Variants in TUNAR observed in about 807,000 individuals in gnomAD.
The protein encoded by TUNAR is protein TUNAR.
At chr14:95,906,175 G>A (rs1189155398) in intron 2 of TUNAR, among the ~76,000 whole-genome samples, 3 of 152,146 alleles carry the variant, frequency 2.0e-5, no homozygotes, top group Admixed American at 1.3e-4. Flanking sequence ...ATTGGAGAAT[G>A]GCATAGAGAA....
At chr14:95,913,608 A>C (rs1051595005) in intron 2 of TUNAR, among the ~76,000 whole-genome samples, 1 of 152,210 alleles carries the variant, frequency 6.6e-6, no homozygotes, top group Non-Finnish European at 1.5e-5. Context: ...TAGAGAAGTC[A>C]TAAAGAGGAA....
intron 2 of TUNAR, among the ~76,000 whole-genome samples, chr14:95,917,530 T>G (rs1192010789): frequency 6.6e-6 from 1 of 152,308 alleles, no homozygotes; most frequent in African/African-American, 2.4e-5. Context: ...AAAAACCCCA[T>G]AGACATTTTG....
At chr14:95,896,746 A>G (rs1204365743) in intron 2 of TUNAR, among the ~76,000 whole-genome samples, 1 of 152,234 alleles carries the variant, frequency 6.6e-6, no homozygotes, top group Non-Finnish European at 1.5e-5. Context: ...TTCCATTTGT[A>G]AAAAATAACA....
At chr14:95,908,225 G>A (rs573671384) in intron 2 of TUNAR, among the ~76,000 whole-genome samples, 4 of 152,330 alleles carry the variant, frequency 2.6e-5, no homozygotes, top group Non-Finnish European at 5.9e-5. Flanking sequence ...GTCAGATAGT[G>A]GGAAGAGGCA....
At chr14:95,902,455 G>A (rs893356599) in intron 2 of TUNAR, among the ~76,000 whole-genome samples, 1 of 152,204 alleles carries the variant, frequency 6.6e-6, no homozygotes, top group Admixed American at 6.5e-5. Flanking sequence ...AAATGCTCCT[G>A]AGTAAGTGAA....
intron 2 of TUNAR, among the ~76,000 whole-genome samples, chr14:95,916,165 C>T (rs191623199): frequency 1.4e-3 from 209 of 152,294 alleles, no homozygotes; most frequent in African/African-American, 4.5e-3. Context: ...AGCAAGCGCT[C>T]ATGTACCCAC....
At chr14:95,884,161 GT>G (rs1436948926) in intron 2 of TUNAR, among the ~76,000 whole-genome samples, 1 of 152,112 alleles carries the variant, frequency 6.6e-6, no homozygotes, top group Non-Finnish European at 1.5e-5. Context: ...TTCCCGTATG[GT>G]AGCCAGAGTG....
At chr14:95,920,504 C>G (rs191023602) in intron 2 of TUNAR, among the ~76,000 whole-genome samples, 1 of 152,266 alleles carries the variant, frequency 6.6e-6, no homozygotes, top group East Asian at 1.9e-4. Context: ...GTAGGCCTAT[C>G]TAGTAAACCG....
intron 2 of TUNAR, among the ~76,000 whole-genome samples, chr14:95,891,857 C>T (rs1166115547): frequency 1.3e-5 from 2 of 152,236 alleles, no homozygotes; most frequent in Non-Finnish European, 2.9e-5. Flanking sequence ...TCCCTGTCTC[C>T]TCCCGGTTGC....
chr14:95,918,607 C>T (rs577957481), intron 2 of TUNAR, among the ~76,000 whole-genome samples: 5 of 152,184 alleles, frequency 3.3e-5, no homozygotes, highest in Non-Finnish European at 5.9e-5. Context: ...TTCTGTGAGT[C>T]GGAGAAGGTC....
chr14:95,923,102 C>T (rs1486014594), exon 3 of TUNAR: 1 of 397,000 alleles, frequency 2.5e-6, no homozygotes, highest in Non-Finnish European at 4.4e-6. Context: ...CACCTTCAAA[C>T]TTTACAAAAG....
chr14:95,880,171 A>G (rs1465267574), intron 2 of TUNAR, among the ~76,000 whole-genome samples: 1 of 152,154 alleles, frequency 6.6e-6, no homozygotes, highest in Non-Finnish European at 1.5e-5. Flanking sequence ...TTGGTACCAG[A>G]TATTGCCCTC....
intron 2 of TUNAR, among the ~76,000 whole-genome samples, chr14:95,879,760 A>G (rs952603230): frequency 3.3e-5 from 5 of 151,772 alleles, no homozygotes; most frequent in African/African-American, 7.3e-5. Context: ...CCATACATAT[A>G]ATGGCCTCAT....
chr14:95,897,201 G>A (rs1051223408), intron 2 of TUNAR, among the ~76,000 whole-genome samples: 1 of 152,194 alleles, frequency 6.6e-6, no homozygotes, highest in Non-Finnish European at 1.5e-5. Context: ...CCCACTTTGT[G>A]TGATCCAGGA....
At chr14:95,917,271 TACTC>T (rs1052191260) in intron 2 of TUNAR, among the ~76,000 whole-genome samples, 4 of 152,230 alleles carry the variant, frequency 2.6e-5, no homozygotes, top group Admixed American at 1.3e-4. Context: ...TTCATACAGA[TACTC>T]AGGTATTCCA....
chr14:95,881,648 C>T (rs1323047705), intron 2 of TUNAR, among the ~76,000 whole-genome samples: 1 of 152,260 alleles, frequency 6.6e-6, no homozygotes, highest in South Asian at 2.1e-4. Flanking sequence ...GAACTTTTCA[C>T]GTTATCGAGT....
At chr14:95,907,412 T>C (rs2887456) in intron 2 of TUNAR, among the ~76,000 whole-genome samples, 29,604 of 152,130 alleles carry the variant, frequency 0.19, 3,564 homozygotes, top group African/African-American at 0.33. Context: ...GGTTGGAAAA[T>C]AGTTATTTCT....
chr14:95,903,675 G>A (rs1164372723), intron 2 of TUNAR, among the ~76,000 whole-genome samples: 2 of 152,220 alleles, frequency 1.3e-5, no homozygotes, highest in East Asian at 1.9e-4. Context: ...AAAACTTAGT[G>A]GCTTGAAACA....
intron 2 of TUNAR, among the ~76,000 whole-genome samples, chr14:95,890,913 G>C (rs535198696): frequency 3.9e-4 from 59 of 152,206 alleles, no homozygotes; most frequent in Non-Finnish European, 8.1e-4. Flanking sequence ...GAACGGGTCT[G>C]TGGGCTTACA....
Sources: gnomAD v4.1 joint callset for allele counts (sites outside exome capture counted in the v4.1 genomes callset) on GRCh38, gnomAD v4.1.1 for gene constraint, MANE v1.5 for transcripts, NCBI Gene and HGNC (gene_info 2026-07-23, HGNC 2026-07-21) for gene names.